Variants in SCAMP3 observed in about 807,000 individuals in gnomAD.
SCAMP3 encodes secretory carrier membrane protein 3.
In SCAMP3, 30 loss-of-function variants were observed where a neutral mutation model predicts 44.1. The observed-to-expected ratio is 0.68, with a 90% CI of 0.51 to 0.92. SCAMP3 has a LOEUF of 0.92. SCAMP3 is among the 40% of genes least tolerant of loss of function. The probability of loss-of-function intolerance (pLI) is 0.00; values close to 1 mark genes in which losing one functional copy is unlikely to be tolerated. For synonymous variants in SCAMP3, 168 were observed against 171.1 expected, an observed-to-expected ratio of 0.98 and a Z score of 0.14; for missense variants, 394 against 440.0, an observed-to-expected ratio of 0.90 and a Z score of 0.93.
intron 1 of SCAMP3, 72 bp downstream of exon 1, chr1:155,262,014 A>G: frequency 1.4e-6 from 2 of 1,453,592 alleles, no homozygotes; most frequent in Non-Finnish European, 1.9e-6. Flanking sequence ...TGGGGATACA[A>G]GTTAGCCCGA....
At chr1:155,256,880 A>G (rs1009785399) in intron 7 of SCAMP3, 89 bp from the exon 8 acceptor site, 4 of 967,262 alleles carry the variant, frequency 4.1e-6, no homozygotes, top group African/African-American at 1.6e-5. Context: ...TACCCTTCCC[A>G]TCAGCAGTGG....
chr1:155,259,267 C>T (rs772144292), intron 4 of SCAMP3, among the ~76,000 whole-genome samples: 3 of 151,288 alleles, frequency 2.0e-5, no homozygotes, highest in Non-Finnish European at 2.9e-5. Context: ...CTCCGCCTCC[C>T]GGGTTCAAGT....
At position 155,262,201 on chromosome 1, in the gene SCAMP3, A is replaced by G; in HGVS notation, c.-50T>C. 7.8e-6 allele frequency: 12 copies of G among 1,540,452 alleles called. No homozygotes were observed. Among genetic ancestry groups the G allele is most frequent in the Non-Finnish European group, 1.1e-5 (12 of 1,119,458 alleles). On this transcript the variant is annotated 5_prime_UTR_variant, in exon 1 of 9. Transcript: ENST00000302631. Reference sequence around the variant, plus strand: ...CCTCTGCCCTCCACGCCCCTGCCGCAGCAGTGGCGGTAGCGGTAGCCCTCA... The same window carrying G: ...CCTCTGCCCTCCACGCCCCTGCCGCGGCAGTGGCGGTAGCGGTAGCCCTCA...
At chr1:155,260,276 C>T in intron 4 of SCAMP3, 54 bp downstream of exon 4, 2 of 1,599,512 alleles carry the variant, frequency 1.3e-6, no homozygotes, top group Admixed American at 1.7e-5. Flanking sequence ...GCCCTTAAGA[C>T]CTGTTTTTGC....
intron 5 of SCAMP3, 108 bp downstream of exon 5, chr1:155,258,718 G>T (rs1239607992): frequency 2.0e-6 from 2 of 983,884 alleles, no homozygotes; most frequent in Non-Finnish European, 3.0e-6. Flanking sequence ...TTGCTAGCAG[G>T]CTGGTGAGTT....
chr1:155,260,918 T>G (rs1672943349), intron 2 of SCAMP3, among the ~76,000 whole-genome samples: 1 of 151,974 alleles, frequency 6.6e-6, no homozygotes, highest in African/African-American at 2.4e-5. Context: ...AACTGTGTTT[T>G]TTTTTTTTCT....
intron 2 of SCAMP3, 90 bp from the exon 3 acceptor site, chr1:155,260,749 G>A: frequency 1.7e-6 from 2 of 1,185,210 alleles, no homozygotes; most frequent in South Asian, 1.5e-5. Flanking sequence ...CAGAACTCAT[G>A]ATGTAAGGAA....
intron 4 of SCAMP3, among the ~76,000 whole-genome samples, chr1:155,260,114 G>C (rs188049193): frequency 1.5e-4 from 23 of 152,210 alleles, no homozygotes; most frequent in African/African-American, 5.5e-4. Flanking sequence ...ACCATGCCCA[G>C]CTAATTTTTG....
In SCAMP3 at chr1:155,257,295, A is replaced by G; in HGVS notation, c.769T>C (p.Trp257Arg). The G allele has an allele frequency of 6.2e-7, 1 of 1,611,520 alleles. No individual in the cohort carries two copies. Among genetic ancestry groups the G allele is most frequent in the South Asian group, 1.1e-5 (1 of 91,018 alleles). Residue 257 changes from tryptophan to arginine, a missense_variant, in exon 7 of 9, where the codon TGG becomes CGG. Physicochemically the swap from Trp to Arg is moderately radical, Grantham distance 101. Transcript: ENST00000302631. Reference sequence around the variant, plus strand: ...AACAGCCTCACAAACCTGAATCCCCAACCTGGGATACCAATGGCCTGGAGG... The same window carrying G: ...AACAGCCTCACAAACCTGAATCCCCGACCTGGGATACCAATGGCCTGGAGG... ...FVLQAIGIPG[W>R]GFSGWISALV...
At chr1:155,259,366 G>T (rs1246349730) in intron 4 of SCAMP3, among the ~76,000 whole-genome samples, 1 of 152,004 alleles carries the variant, frequency 6.6e-6, no homozygotes, top group Non-Finnish European at 1.5e-5. Flanking sequence ...GTAGAGACAG[G>T]GTTTCACCAT....
At chr1:155,258,399 T>A (rs1379570483) in intron 5 of SCAMP3, among the ~76,000 whole-genome samples, 2 of 140,696 alleles carry the variant, frequency 1.4e-5, no homozygotes, top group Non-Finnish European at 3.1e-5. Context: ...TGCAATGGCA[T>A]GATCTTGGCT....
chr1:155,258,042 G>A (rs1672853994), intron 5 of SCAMP3, among the ~76,000 whole-genome samples: 4 of 138,864 alleles, frequency 2.9e-5, no homozygotes, highest in South Asian at 4.5e-4. Flanking sequence ...TTTTTGAGAT[G>A]GAATCTCGCT....
At chr1:155,258,318 C>CT (rs71996352) in intron 5 of SCAMP3, among the ~76,000 whole-genome samples, 1,465 of 85,700 alleles carry the variant, frequency 0.017, 147 homozygotes, top group Non-Finnish European at 0.024. Flanking sequence ...CGTGCCCGGC[C>CT]TTTTTTTTTT....
intron 1 of SCAMP3, 26 bp from the exon 2 acceptor site, chr1:155,261,760 C>G (rs1452776292): frequency 6.2e-7 from 1 of 1,611,052 alleles, no homozygotes; most frequent in East Asian, 2.2e-5. Context: ...CGGGTCTCAG[C>G]TGGCACCCAG....
At chr1:155,260,076 C>G (rs894668015) in intron 4 of SCAMP3, among the ~76,000 whole-genome samples, 1 of 151,916 alleles carries the variant, frequency 6.6e-6, no homozygotes, top group Non-Finnish European at 1.5e-5. Context: ...CTCAGCCTCC[C>G]GAGTAGCTGG....
rs1572007907 is a variant in SCAMP3, at chr1:155,262,295, G to A, written c.-144C>T. 3 of 714,068 alleles carry A rather than the reference G, an allele frequency of 4.2e-6. No individual in the cohort carries two copies. Among genetic ancestry groups the A allele is most frequent in the South Asian group, 3.7e-5 (2 of 53,380 alleles). 44.2% of individuals were successfully genotyped at this position (714,068 alleles called of 1,614,324 possible). A position where few individuals can be genotyped will look rare whatever the true frequency, so the allele number is the denominator to read the frequency against. On this transcript the variant is annotated 5_prime_UTR_variant, in exon 1 of 9. Coordinates refer to ENST00000302631, the MANE Select transcript of SCAMP3 (RefSeq NM_005698.4). The stretch of plus-strand genomic sequence containing the variant: ...CGGATTGGTTCCACCGACCGGAAGG[G>A]CCACAAGGATCCCCGCAGCAGCCGT...
rs1235359005 is a variant in SCAMP3, at chr1:155,256,130, A to AG, written c.*142dup. On this transcript the variant is annotated 3_prime_UTR_variant, in exon 9 of 9. Coordinates refer to ENST00000302631, the MANE Select transcript of SCAMP3 (RefSeq NM_005698.4). ...ACAGTGAACTCCCCACACGCCTGTC[A>AG]GGTTCAGCAGTCATGGCCATAGGAT... 4.7e-5 allele frequency: 37 copies of AG among 782,520 alleles called. No individual in the cohort carries two copies. The East Asian group carries it at 1.1e-3, about 22-fold the overall frequency. 48.5% of individuals were successfully genotyped at this position (782,520 alleles called of 1,614,324 possible). A position where few individuals can be genotyped will look rare whatever the true frequency, so the allele number is the denominator to read the frequency against.
Position 155,258,813 on chromosome 1 carries a change from T to A in SCAMP3, c.517+13A>T, listed in dbSNP as rs1672877205. On this transcript the variant is annotated intron_variant, in intron 5 of 8. Coordinates refer to ENST00000302631, the MANE Select transcript of SCAMP3 (RefSeq NM_005698.4). ...TACCTGTAACTTCCTCCAAAAGGCT[T>A]CTCACTACTCACACATCCAGAGGTA... 6.3e-7 allele frequency: 1 copy of A among 1,598,658 alleles called. No homozygotes were observed. Among genetic ancestry groups the A allele is most frequent in the Admixed American group, 1.8e-5 (1 of 56,930 alleles).
At chr1:155,256,463 G>A in intron 8 of SCAMP3, 44 bp from the exon 9 acceptor site, 2 of 1,552,562 alleles carry the variant, frequency 1.3e-6, no homozygotes, top group South Asian at 1.2e-5. Flanking sequence ...TCCAGCCACT[G>A]GTTCCCCACC....
Sources: gnomAD v4.1 joint callset for allele counts (sites outside exome capture counted in the v4.1 genomes callset) on GRCh38, gnomAD v4.1.1 for gene constraint, MANE v1.5 for transcripts, NCBI Gene and HGNC (gene_info 2026-07-23, HGNC 2026-07-21) for gene names.